The following CIAO2A variants were observed in gnomAD, a reference collection of about 807,000 sequenced individuals.
CIAO2A encodes the protein cytosolic iron-sulfur assembly component 2A, also known as MIP18 family protein FAM96A.
In CIAO2A, 17 loss-of-function variants were observed where a neutral mutation model predicts 22.4. The observed-to-expected ratio is 0.76, with a 90% confidence interval of 0.52 to 1.14. The LOEUF (loss-of-function observed/expected upper bound fraction) is 1.14, where lower values mean the gene tolerates loss of function less well. Ranked by LOEUF, CIAO2A falls within the 50% of genes most tolerant of loss-of-function variation. The pLI, the probability that CIAO2A is intolerant of heterozygous loss-of-function variation, is 0.00. For missense variants in CIAO2A, 192 were observed against 191.4 expected, an observed-to-expected ratio of 1.00 and a Z score of -0.02; for synonymous variants, 74 against 72.3, an observed-to-expected ratio of 1.02 and a Z score of -0.12.
intron 1 of CIAO2A, among the ~76,000 whole-genome samples, chr15:64,089,452 T>TCGCGG (rs5813277): frequency 1.3e-5 from 2 of 151,096 alleles, no homozygotes; most frequent in African/African-American, 4.9e-5. Flanking sequence ...GAGGCAGAGG[T>TCGCGG]TGAGAGCGGA....
intron 1 of CIAO2A, 111 bp downstream of exon 1, chr15:64,093,534 C>T (rs56111867): frequency 1.7e-4 from 211 of 1,243,044 alleles, no homozygotes; most frequent in Non-Finnish European, 2.1e-4. Flanking sequence ...AACAAACAAA[C>T]AAAAAAAAAG....
At chr15:64,073,316 A>AT (rs936493133) in intron 4 of CIAO2A, among the ~76,000 whole-genome samples, 2 of 152,126 alleles carry the variant, frequency 1.3e-5, no homozygotes, top group South Asian at 4.1e-4. Context: ...GAAAATTGCT[A>AT]TTTTTTCCCC....
At chr15:64,081,172 C>T in intron 2 of CIAO2A, 21 bp from the exon 3 acceptor site, 3 of 1,605,974 alleles carry the variant, frequency 1.9e-6, no homozygotes, top group East Asian at 4.5e-5. Flanking sequence ...AAAATCACAC[C>T]TCCAATTATC....
intron 1 of CIAO2A, 45 bp from the exon 2 acceptor site, chr15:64,088,896 T>A: frequency 6.4e-7 from 1 of 1,553,408 alleles, no homozygotes; most frequent in Non-Finnish European, 8.7e-7. Flanking sequence ...AACATGACTA[T>A]TCTAAATAAA....
chr15:64,078,040 T>C (rs2140106558), intron 3 of CIAO2A, among the ~76,000 whole-genome samples: 1 of 152,324 alleles, frequency 6.6e-6, no homozygotes, highest in Non-Finnish European at 1.5e-5. Context: ...ATAAACCAAA[T>C]GTGGCAAAAT....
intron 2 of CIAO2A, among the ~76,000 whole-genome samples, chr15:64,083,409 C>T (rs561991137): frequency 6.6e-6 from 1 of 152,214 alleles, no homozygotes; most frequent in African/African-American, 2.4e-5. Flanking sequence ...TAAGTCACCA[C>T]AAATGATTAT....
chr15:64,078,781 G>T (rs2080739457), intron 3 of CIAO2A, among the ~76,000 whole-genome samples: 1 of 152,030 alleles, frequency 6.6e-6, no homozygotes, highest in African/African-American at 2.4e-5. Flanking sequence ...AGTGGCTCAC[G>T]CCTGTAATCC....
At chr15:64,081,631 G>A (rs1349641766) in intron 2 of CIAO2A, among the ~76,000 whole-genome samples, 5 of 149,902 alleles carry the variant, frequency 3.3e-5, no homozygotes, top group East Asian at 2.0e-4. Flanking sequence ...TCCGCCTCTC[G>A]GTTCAAGCAA....
intron 1 of CIAO2A, among the ~76,000 whole-genome samples, chr15:64,093,089 ATG>A (rs2080855952): frequency 6.6e-6 from 1 of 152,166 alleles, no homozygotes; most frequent in Non-Finnish European, 1.5e-5. Flanking sequence ...TGTGTGCGTT[ATG>A]TGTGTGTACA....
intron 2 of CIAO2A, among the ~76,000 whole-genome samples, chr15:64,084,077 A>C (rs897324913): frequency 1.1e-4 from 16 of 152,212 alleles, no homozygotes; most frequent in African/African-American, 3.9e-4. Context: ...CTATAATCTA[A>C]TGTTAGCACC....
intron 2 of CIAO2A, among the ~76,000 whole-genome samples, chr15:64,085,202 A>C (rs1176797947): frequency 6.6e-6 from 1 of 152,258 alleles, no homozygotes; most frequent in South Asian, 2.1e-4. Flanking sequence ...TGATGTACCA[A>C]TATGATTAGC....
chr15:64,093,763 C>G lies in CIAO2A; in HGVS notation c.6G>C (p.Gln2His). 6.2e-7 allele frequency: 1 copy of G among 1,610,598 alleles called. No homozygotes were observed. Among genetic ancestry groups the G allele is most frequent in the Non-Finnish European group, 8.5e-7 (1 of 1,177,070 alleles). ...TCCAGGAGAGCAGCCCGGACACCCGCTGCATCTTCACGCTCAGCCATCCCT... is the reference window on the plus strand; with the variant it reads ...TCCAGGAGAGCAGCCCGGACACCCGGTGCATCTTCACGCTCAGCCATCCCT... The part of the protein sequence containing the change: M[Q>H]RVSGLLSWTL... Residue 2 changes from glutamine to histidine, a missense_variant, in exon 1 of 5, where the codon CAG becomes CAC. Transcript: ENST00000300030.
rs754877746 is a variant in CIAO2A, at chr15:64,072,973, G to A, written c.441C>T (p.Asn147=). Reference sequence around the variant, plus strand: ...CACACTGTTCCACAATTTCCCGTAAGTTGGGGTTTTCCATTGCAGCTGCCA... The same window carrying A: ...CACACTGTTCCACAATTTCCCGTAAATTGGGGTTTTCCATTGCAGCTGCCA... ...ERVAAAMENP[N]LREIVEQCVL... The change falls in exon 5 of 5, where the codon AAC becomes AAT. Residue 147 remains asparagine (N), a synonymous_variant. Transcript: ENST00000300030. 10 of 1,613,780 alleles carry A rather than the reference G, an allele frequency of 6.2e-6. No individual in the cohort carries two copies. In the Admixed American group the frequency reaches 1.5e-4, roughly 24 times the overall value.
At chr15:64,080,649 T>G (rs1435025380) in intron 3 of CIAO2A, among the ~76,000 whole-genome samples, 1 of 152,128 alleles carries the variant, frequency 6.6e-6, no homozygotes, top group Admixed American at 6.6e-5. Context: ...GCCACTGAAC[T>G]CCAGCCTGGG....
Position 64,073,006 on chromosome 15 carries a change from T to C in CIAO2A, c.408A>G (p.Lys136=). ...EEDINKQIND[K]ERVAAAMENP... is the part of the protein sequence containing the mutation. ...TTTCCATTGCAGCTGCCACTCGCTC[T>C]TTGTCATTTATCTGCTTATTGACTG... Residue 136 remains lysine, a synonymous_variant, in exon 5 of 5, where the codon AAA becomes AAG. Transcript: ENST00000300030. 1.9e-6 allele frequency: 3 copies of C among 1,613,604 alleles called. No homozygotes were observed. The highest frequency in any genetic ancestry group is 1.7e-6 in the Non-Finnish European group (2 of 1,179,628).
chr15:64,083,192 T>C (rs1173000780), intron 2 of CIAO2A, among the ~76,000 whole-genome samples: 1 of 151,230 alleles, frequency 6.6e-6, no homozygotes, highest in Non-Finnish European at 1.5e-5. Context: ...ATAATTACTA[T>C]AAATAGTAAA....
At chr15:64,078,814 C>T (rs1028591853) in intron 3 of CIAO2A, among the ~76,000 whole-genome samples, 6 of 151,734 alleles carry the variant, frequency 4.0e-5, no homozygotes, top group African/African-American at 7.3e-5. Context: ...GAAACCAAGG[C>T]GGGAGGACTG....
intron 3 of CIAO2A, among the ~76,000 whole-genome samples, chr15:64,079,121 G>C (rs568856386): frequency 6.6e-6 from 1 of 151,340 alleles, no homozygotes; most frequent in Non-Finnish European, 1.5e-5. Flanking sequence ...TAGTAGTATG[G>C]AAAGGTGAAT....
At chr15:64,082,686 T>TTA (rs1448904693) in intron 2 of CIAO2A, among the ~76,000 whole-genome samples, 6 of 152,192 alleles carry the variant, frequency 3.9e-5, no homozygotes, top group Non-Finnish European at 8.8e-5. Flanking sequence ...CCTTAATTTG[T>TTA]TATCTGTGTA....
Sources: allele counts gnomAD v4.1 joint callset (sites outside exome capture counted in the v4.1 genomes callset), GRCh38; gene constraint gnomAD v4.1.1; transcripts MANE v1.5; gene names NCBI Gene and HGNC (gene_info 2026-07-23, HGNC 2026-07-21).